The following LRMDA variants were observed in gnomAD, a reference collection of about 807,000 sequenced individuals.
The protein encoded by LRMDA is leucine-rich melanocyte differentiation-associated protein.
In LRMDA, 18 loss-of-function variants were observed where a neutral mutation model predicts 29.8. The ratio of observed to expected loss-of-function variants is 0.60; its 90% CI spans 0.42 to 0.90. The LOEUF (loss-of-function observed/expected upper bound fraction) is 0.90. Among genes scored for constraint, LRMDA ranks in the 40% least tolerant of loss-of-function variants. The pLI, the probability that LRMDA is intolerant of heterozygous loss-of-function variation, is 0.00. For synonymous variants in LRMDA, 125 were observed against 109.4 expected (o/e 1.14, Z -0.89); for missense variants, 273 against 273.9 (o/e 1.00, Z 0.02).
intron 2 of LRMDA, among the ~76,000 whole-genome samples, chr10:75,722,174 A>G (rs1842576527): frequency 2.0e-5 from 3 of 152,110 alleles, no homozygotes. Context: ...AATGCCACTA[A>G]TCCATCCTAG....
intron 2 of LRMDA, among the ~76,000 whole-genome samples, chr10:75,487,888 T>C (rs1383013783): frequency 6.6e-6 from 1 of 152,190 alleles, no homozygotes; most frequent in African/African-American, 2.4e-5. Flanking sequence ...AGATGGGGCA[T>C]GGGTCACTCT....
intron 6 of LRMDA, among the ~76,000 whole-genome samples, chr10:76,409,616 A>G (rs1443556666): frequency 6.6e-6 from 1 of 151,974 alleles, no homozygotes; most frequent in African/African-American, 2.4e-5. Context: ...GAAAATTGAC[A>G]TTTTTATTTT....
At chr10:75,737,198 C>G (rs1265710353) in intron 2 of LRMDA, among the ~76,000 whole-genome samples, 1 of 152,234 alleles carries the variant, frequency 6.6e-6, no homozygotes, top group Non-Finnish European at 1.5e-5. Flanking sequence ...CTTCTTAAAG[C>G]TCAGAGTCCT....
intron 5 of LRMDA, among the ~76,000 whole-genome samples, chr10:76,188,935 T>TACACACACACACACACACACAC (rs3998129): frequency 2.1e-5 from 3 of 141,636 alleles, no homozygotes; most frequent in African/African-American, 7.6e-5. Context: ...TGATTGCATG[T>TACACACACACACACACACACAC]ACACACACAC....
rs1192907127 is a variant in LRMDA, at chr10:76,353,243, A to G, written c.601+28758A>G. ...AGAGGGAGCCATTAATCTCATGGACATTACATTCCCTAAGAACTTTTTTTG... is the reference window on the plus strand; with the variant it reads ...AGAGGGAGCCATTAATCTCATGGACGTTACATTCCCTAAGAACTTTTTTTG... On this transcript the variant is annotated intron_variant, in intron 6 of 6. Coordinates refer to ENST00000611255, the MANE Select transcript of LRMDA (RefSeq NM_001305581.2). Among the ~76,000 whole-genome samples, 3 of 152,090 alleles carry G rather than the reference A, an allele frequency of 2.0e-5. No individual in the cohort carries two copies. The East Asian group carries it at 5.8e-4, about 30-fold the overall frequency.
At position 76,122,907 on chromosome 10, in the gene LRMDA, A is replaced by G. The variant is rs145577580; in HGVS notation, c.516+64124A>G. 1.2e-4 allele frequency among the ~76,000 whole-genome samples: 19 copies of G among 152,230 alleles called. No homozygotes were observed. The East Asian group carries it at 3.7e-3, about 29-fold the overall frequency. ...AGATTAGCCTTTTCTCTTTAGCTCT[A>G]AGTTCCTTCAGGGCAGGGATGAAGG... On this transcript the variant is annotated intron_variant, in intron 5 of 6. Transcript: ENST00000611255.
intron 2 of LRMDA, among the ~76,000 whole-genome samples, chr10:75,630,792 C>A (rs1841312443): frequency 6.6e-6 from 1 of 152,230 alleles, no homozygotes; most frequent in Admixed American, 6.5e-5. Context: ...TTAACCATCC[C>A]TTTCCATGCA....
chr10:75,830,343 T>C (rs921844292), intron 2 of LRMDA, among the ~76,000 whole-genome samples: 3 of 152,206 alleles, frequency 2.0e-5, no homozygotes, highest in Non-Finnish European at 2.9e-5. Flanking sequence ...TTTAGTGAAC[T>C]TGGATTCTGA....
intron 4 of LRMDA, among the ~76,000 whole-genome samples, chr10:76,050,046 A>G (rs775910632): frequency 6.6e-6 from 1 of 152,222 alleles, no homozygotes; most frequent in African/African-American, 2.4e-5. Context: ...TCTGAAAAAA[A>G]TTCTTATTGA....
At chr10:75,633,716 G>A (rs1206063384) in intron 2 of LRMDA, among the ~76,000 whole-genome samples, 3 of 152,210 alleles carry the variant, frequency 2.0e-5, no homozygotes, top group Admixed American at 6.5e-5. Context: ...GGATTGTGGT[G>A]TGGAATTGCT....
At chr10:76,201,511 G>A (rs2132233137) in intron 5 of LRMDA, among the ~76,000 whole-genome samples, 1 of 152,344 alleles carries the variant, frequency 6.6e-6, no homozygotes, top group Middle Eastern at 3.4e-3. Context: ...CAAATCCGTT[G>A]TCCAGCTTGT....
At chr10:76,244,704 G>T (rs551869846) in intron 5 of LRMDA, among the ~76,000 whole-genome samples, 1 of 152,230 alleles carries the variant, frequency 6.6e-6, no homozygotes, top group East Asian at 1.9e-4. Flanking sequence ...GCTGCAGAAA[G>T]AAGCCAATGT....
At chr10:76,222,064 A>C (rs1431924763) in intron 5 of LRMDA, among the ~76,000 whole-genome samples, 1 of 152,088 alleles carries the variant, frequency 6.6e-6, no homozygotes, top group Non-Finnish European at 1.5e-5. Context: ...CTGGCTAGCC[A>C]TATGTAGAAA....
intron 5 of LRMDA, among the ~76,000 whole-genome samples, chr10:76,265,830 G>C (rs914297638): frequency 6.6e-6 from 1 of 152,200 alleles, no homozygotes; most frequent in African/African-American, 2.4e-5. Flanking sequence ...AGACTAACAT[G>C]TTATTTCCAT....
chr10:75,809,288 A>G (rs564669391), intron 2 of LRMDA, among the ~76,000 whole-genome samples: 1 of 152,202 alleles, frequency 6.6e-6, no homozygotes, highest in Non-Finnish European at 1.5e-5. Context: ...AAAATCATTT[A>G]TTCAGCCTGC....
intron 2 of LRMDA, among the ~76,000 whole-genome samples, chr10:75,901,767 A>AGCTGATTGCC (rs1424098998): frequency 4.6e-5 from 7 of 152,188 alleles, no homozygotes; most frequent in African/African-American, 9.7e-5. Context: ...GAACAAGAGA[A>AGCTGATTGCC]GCTGATTGCC....
chr10:76,205,629 G>A (rs1173277961), intron 5 of LRMDA, among the ~76,000 whole-genome samples: 1 of 152,142 alleles, frequency 6.6e-6, no homozygotes, highest in Non-Finnish European at 1.5e-5. Flanking sequence ...GAGAAAGTTA[G>A]AAAATATAGG....
intron 2 of LRMDA, among the ~76,000 whole-genome samples, chr10:76,013,764 T>G (rs567790722): frequency 7.3e-4 from 111 of 152,176 alleles, no homozygotes; most frequent in African/African-American, 2.6e-3. Context: ...CCACCCTATT[T>G]TCTTTCCTTT....
Position 76,442,269 on chromosome 10 carries a change from A to G in LRMDA, c.602-114940A>G, listed in dbSNP as rs754038626. ...TAACTGACGGAAAAAATGCCTGAACATGGGGTCCTGTGACTGAGATTGATG... is the reference window on the plus strand; with the variant it reads ...TAACTGACGGAAAAAATGCCTGAACGTGGGGTCCTGTGACTGAGATTGATG... On this transcript the variant is annotated intron_variant, in intron 6 of 6. Transcript: ENST00000611255. Among the ~76,000 whole-genome samples, 6 of 152,204 alleles carry G rather than the reference A, an allele frequency of 3.9e-5. 1 individual carries two copies. The highest frequency in any genetic ancestry group is 4.1e-4 in the South Asian group (2 of 4,828).
Sources: gnomAD v4.1 joint callset for allele counts (sites outside exome capture counted in the v4.1 genomes callset) on GRCh38, gnomAD v4.1.1 for gene constraint, MANE v1.5 for transcripts, NCBI Gene and HGNC (gene_info 2026-07-23, HGNC 2026-07-21) for gene names.